GNA14: variants seen among roughly 807,000 people sequenced by gnomAD.
GNA14 encodes the protein guanine nucleotide-binding protein subunit alpha-14.
In GNA14, 50 loss-of-function variants were observed where a neutral mutation model predicts 42.0. That is an observed-to-expected ratio of 1.19 (90% CI 0.95 to 1.51). The LOEUF is 1.51. Ranked by LOEUF, GNA14 falls within the 40% of genes most tolerant of loss-of-function variation. GNA14 has a pLI of 0.00. For synonymous variants in GNA14, 173 were observed against 163.1 expected (o/e 1.06, Z -0.46); for missense variants, 473 against 446.2 (o/e 1.06, Z -0.54).
rs750612459 is a variant in GNA14 at position 77,424,077 on chromosome 9, A to C, written c.970T>G (p.Phe324Val). 1.2e-6 allele frequency: 2 copies of C among 1,612,162 alleles called. No homozygotes were observed. Among genetic ancestry groups the C allele is most frequent in the African/African-American group, 2.7e-5 (2 of 74,900 alleles). The stretch of plus-strand genomic sequence containing the variant: ...TTGTCTGTATCTGTAGCACATGTGA[A>C]GTGAGAGTAGATGACTTTCTCTTTG... ...PDKEKVIYSH[F>V]TCATDTDNIR... The change falls in exon 7 of 7, where the codon TTC (phenylalanine) becomes GTC (valine). Residue 324 changes from phenylalanine (F) to valine (V), a missense_variant. Transcript: ENST00000341700.
intron 1 of GNA14, among the ~76,000 whole-genome samples, chr9:77,601,388 ACAT>A (rs1318082009): frequency 6.6e-6 from 1 of 152,218 alleles, no homozygotes; most frequent in Non-Finnish European, 1.5e-5. Flanking sequence ...TCAGACACTA[ACAT>A]CAGCGTTCAC....
intron 2 of GNA14, among the ~76,000 whole-genome samples, chr9:77,451,818 A>G (rs1190497960): frequency 6.6e-6 from 1 of 152,204 alleles, no homozygotes; most frequent in African/African-American, 2.4e-5. Flanking sequence ...GTCAGTGCAA[A>G]GTGTCTCTCT....
chr9:77,628,306 T>C (rs1308674332), intron 1 of GNA14, among the ~76,000 whole-genome samples: 6 of 152,200 alleles, frequency 3.9e-5, no homozygotes, highest in Non-Finnish European at 8.8e-5. Flanking sequence ...AAAATGGTCA[T>C]ACTGCTCAAA....
chr9:77,468,014 T>G (rs1417333170), intron 2 of GNA14, among the ~76,000 whole-genome samples: 1 of 152,150 alleles, frequency 6.6e-6, no homozygotes, highest in African/African-American at 2.4e-5. Flanking sequence ...CAGCCACACT[T>G]GCCTAAAATA....
chr9:77,481,920 T>C (rs576431108), intron 2 of GNA14, among the ~76,000 whole-genome samples: 171 of 151,520 alleles, frequency 1.1e-3, no homozygotes, highest in African/African-American at 3.8e-3. Context: ...TCCTCCATCC[T>C]TTTTTTTTGA....
At chr9:77,510,574 G>A (rs1837147751) in intron 2 of GNA14, among the ~76,000 whole-genome samples, 1 of 152,216 alleles carries the variant, frequency 6.6e-6, no homozygotes, top group Non-Finnish European at 1.5e-5. Flanking sequence ...GCATTAAACA[G>A]ATGAGCCTGA....
intron 1 of GNA14, among the ~76,000 whole-genome samples, chr9:77,617,719 T>C (rs899088557): frequency 5.9e-5 from 9 of 152,062 alleles, no homozygotes; most frequent in African/African-American, 2.2e-4. Flanking sequence ...CTCTCTCTCT[T>C]GCTCAACTCC....
At chr9:77,487,945 T>G (rs1372494480) in intron 2 of GNA14, among the ~76,000 whole-genome samples, 1 of 152,014 alleles carries the variant, frequency 6.6e-6, no homozygotes, top group Non-Finnish European at 1.5e-5. Context: ...CTGGAGCCAG[T>G]TTATACACAG....
At chr9:77,425,092 G>A (rs1835433716) in intron 6 of GNA14, among the ~76,000 whole-genome samples, 1 of 152,132 alleles carries the variant, frequency 6.6e-6, no homozygotes, top group African/African-American at 2.4e-5. Flanking sequence ...CTGGCATGAG[G>A]AATGCACAGA....
chr9:77,486,332 G>C (rs1836659971), intron 2 of GNA14, among the ~76,000 whole-genome samples: 1 of 152,200 alleles, frequency 6.6e-6, no homozygotes, highest in African/African-American at 2.4e-5. Flanking sequence ...GAATCGAAGA[G>C]AGTTAGGGCC....
intron 1 of GNA14, among the ~76,000 whole-genome samples, chr9:77,622,763 G>A (rs1160196854): frequency 1.3e-4 from 19 of 150,062 alleles, no homozygotes; most frequent in South Asian, 6.4e-4. Flanking sequence ...GCGTGGTGGC[G>A]GGTGCCTGTA....
chr9:77,553,852 A>C (rs1837814429), intron 1 of GNA14, among the ~76,000 whole-genome samples: 1 of 152,226 alleles, frequency 6.6e-6, no homozygotes, highest in Non-Finnish European at 1.5e-5. Flanking sequence ...TCACAGTGTG[A>C]TCCACAATAA....
chr9:77,571,415 A>G (rs1395157397), intron 1 of GNA14, among the ~76,000 whole-genome samples: 1 of 152,138 alleles, frequency 6.6e-6, no homozygotes, highest in East Asian at 1.9e-4. Context: ...TCTTAAATCA[A>G]TGCTCTAAGA....
At chr9:77,643,025 T>A (rs1396191351) in intron 1 of GNA14, among the ~76,000 whole-genome samples, 1 of 152,170 alleles carries the variant, frequency 6.6e-6, no homozygotes, top group Non-Finnish European at 1.5e-5. Context: ...GCTCTGCCTG[T>A]TCTACCTCTT....
At chr9:77,453,007 G>A (rs546743953) in intron 2 of GNA14, among the ~76,000 whole-genome samples, 24 of 152,260 alleles carry the variant, frequency 1.6e-4, no homozygotes, top group South Asian at 1.5e-3. Flanking sequence ...GCCGGGTGGT[G>A]TGTGTACCTG....
At chr9:77,607,155 T>G (rs1587846104) in intron 1 of GNA14, among the ~76,000 whole-genome samples, 1 of 152,274 alleles carries the variant, frequency 6.6e-6, no homozygotes, top group East Asian at 1.9e-4. Context: ...AATAATGGAT[T>G]TGCACAAAAT....
intron 2 of GNA14, among the ~76,000 whole-genome samples, chr9:77,514,144 T>A (rs996300729): frequency 2.6e-5 from 4 of 152,194 alleles, no homozygotes; most frequent in African/African-American, 9.6e-5. Flanking sequence ...GCTTTTTGGT[T>A]ATCTTGCAAC....
intron 1 of GNA14, among the ~76,000 whole-genome samples, chr9:77,640,354 C>G (rs1301512199): frequency 6.6e-6 from 1 of 152,142 alleles, no homozygotes; most frequent in Non-Finnish European, 1.5e-5. Context: ...CTGAAAATCC[C>G]TCTCTGACTT....
chr9:77,636,915 C>T (rs772365195), intron 1 of GNA14, among the ~76,000 whole-genome samples: 7 of 152,160 alleles, frequency 4.6e-5, no homozygotes, highest in Non-Finnish European at 8.8e-5. Flanking sequence ...TATGATGGCT[C>T]TTACTAGAAT....
Sources: gnomAD v4.1 joint callset for allele counts (sites outside exome capture counted in the v4.1 genomes callset) on GRCh38, gnomAD v4.1.1 for gene constraint, MANE v1.5 for transcripts, NCBI Gene and HGNC (gene_info 2026-07-23, HGNC 2026-07-21) for gene names.